MASP1: variants seen among roughly 807,000 people sequenced by gnomAD.
MASP1 encodes the protein MBL associated serine protease 1.
Under a neutral mutation model 77.1 loss-of-function variants are expected in MASP1, and 59 were observed. The observed-to-expected ratio is 0.77, with a 90% confidence interval of 0.62 to 0.95. The LOEUF (loss-of-function observed/expected upper bound fraction) is 0.95, where lower values mean the gene tolerates loss of function less well. MASP1 is among the 40% of genes least tolerant of loss of function. The pLI is 0.00. For synonymous variants in MASP1, 362 were observed against 354.5 expected, an observed-to-expected ratio of 1.02 and a Z score of -0.24; for missense variants, 885 against 912.9, an observed-to-expected ratio of 0.97 and a Z score of 0.39.
chr3:187,224,839 C>T (rs1712315332), intron 13 of MASP1, among the ~76,000 whole-genome samples: 1 of 152,228 alleles, frequency 6.6e-6, no homozygotes. Flanking sequence ...TGGTTTTTCA[C>T]CCCAGTAGTG....
downstream of MASP1, among the ~76,000 whole-genome samples, chr3:187,231,698 A>G (rs1401959000): frequency 6.6e-6 from 1 of 152,276 alleles, no homozygotes; most frequent in Non-Finnish European, 1.5e-5. Flanking sequence ...TGGAGCATCC[A>G]CGGTTTTAAG....
intron 15 of MASP1, chr3:187,220,369 G>A: frequency 1.0e-6 from 1 of 980,652 alleles, no homozygotes; most frequent in Non-Finnish European, 1.5e-6. Context: ...AGAGGGCATA[G>A]CAGACCGTTG....
At position 187,235,061 on chromosome 3, in the gene MASP1, G is replaced by C; in HGVS notation, c.*623C>G. The C allele has an allele frequency of 2.3e-6, 3 of 1,287,268 alleles. No homozygotes were observed. The highest frequency in any genetic ancestry group is 3.0e-6 in the Non-Finnish European group (3 of 988,714). 79.7% of individuals were successfully genotyped at this position (1,287,268 alleles called of 1,614,324 possible). On this transcript the variant is annotated 3_prime_UTR_variant, in exon 11 of 11. Coordinates refer to ENST00000296280, the MANE Select transcript of MASP1 (RefSeq NM_139125.4). ...GAAATTCCTTTAATGGGGAACATAA[G>C]GGATAAGGCTTAGACTGCAAGAAGC...
At chr3:187,283,210 C>T (rs1187197757) in intron 2 of MASP1, among the ~76,000 whole-genome samples, 1 of 152,216 alleles carries the variant, frequency 6.6e-6, no homozygotes, top group Non-Finnish European at 1.5e-5. Context: ...CAACCAATTT[C>T]CAAAATATTC....
downstream of MASP1, chr3:187,229,711 A>G: frequency 6.2e-7 from 1 of 1,608,542 alleles, no homozygotes; most frequent in Non-Finnish European, 8.5e-7. Flanking sequence ...TCAGTCTCCA[A>G]GGAGGGGGTT....
chr3:187,228,733 G>T (rs144610536), intron 11 of MASP1, among the ~76,000 whole-genome samples: 1 of 152,042 alleles, frequency 6.6e-6, no homozygotes, highest in Admixed American at 6.6e-5. Context: ...CCTCAGCCCT[G>T]TCTGGCCCTA....
intron 14 of MASP1, among the ~76,000 whole-genome samples, chr3:187,221,940 C>T (rs1013273026): frequency 6.6e-6 from 1 of 152,154 alleles, no homozygotes; most frequent in Non-Finnish European, 1.5e-5. Context: ...AAAGAGGAAA[C>T]ATATGATTCT....
rs1248464303 is a variant in MASP1, at chr3:187,234,804, C to G, written c.*880G>C. 1.6e-6 allele frequency: 2 copies of G among 1,287,254 alleles called. No individual in the cohort carries two copies. Among genetic ancestry groups the G allele is most frequent in the East Asian group, 1.1e-4 (2 of 18,026 alleles). 79.7% of individuals were successfully genotyped at this position (1,287,254 alleles called of 1,614,324 possible). A position where few individuals can be genotyped will look rare whatever the true frequency, so the allele number is the denominator to read the frequency against. On this transcript the variant is annotated 3_prime_UTR_variant, in exon 11 of 11. Transcript: ENST00000296280. ...ATCGACTAAGTCCCCATATTCGGGC[C>G]TGGGCTTCAGGTAGCCTTTCAGATA...
chr3:187,272,796 C>T (rs958676623), intron 2 of MASP1, among the ~76,000 whole-genome samples: 1 of 152,110 alleles, frequency 6.6e-6, no homozygotes, highest in African/African-American at 2.4e-5. Flanking sequence ...TCCAGAACTG[C>T]GTGAGAACAA....
intron 14 of MASP1, among the ~76,000 whole-genome samples, chr3:187,222,150 T>C (rs1342587794): frequency 2.6e-5 from 4 of 152,182 alleles, no homozygotes; most frequent in African/African-American, 9.7e-5. Context: ...ATCGTTCAGG[T>C]ATCATTTCAG....
chr3:187,279,986 C>T (rs901611100), intron 2 of MASP1, among the ~76,000 whole-genome samples: 1 of 152,066 alleles, frequency 6.6e-6, no homozygotes, highest in Non-Finnish European at 1.5e-5. Flanking sequence ...CTTTGCAGAC[C>T]CAGTCTTTGG....
intron 1 of MASP1, among the ~76,000 whole-genome samples, chr3:187,289,970 C>A (rs940490266): frequency 6.6e-6 from 1 of 152,204 alleles, no homozygotes; most frequent in African/African-American, 2.4e-5. Flanking sequence ...CTGCTGGAGA[C>A]TTTTCTAGCA....
At chr3:187,254,539 A>G (rs1533593) in intron 5 of MASP1, among the ~76,000 whole-genome samples, 30,783 of 152,100 alleles carry the variant, frequency 0.2, 3,824 homozygotes, top group South Asian at 0.33. Flanking sequence ...GACAAACGCC[A>G]CTTTGTGTTG....
chr3:187,225,555 A>G, intron 12 of MASP1: 1 of 1,598,064 alleles, frequency 6.3e-7, no homozygotes, highest in Non-Finnish European at 8.6e-7. Flanking sequence ...ATGGAGGATA[A>G]GGTCACACCT....
At chr3:187,247,396 G>A (rs373102445) in intron 8 of MASP1, 74 of 1,613,962 alleles carry the variant, frequency 4.6e-5, no homozygotes, top group Non-Finnish European at 6.1e-5. Context: ...CTGCCACCAT[G>A]GTGAAGATCA....
chr3:187,291,091 G>A (rs1718288446), intron 1 of MASP1, among the ~76,000 whole-genome samples: 1 of 151,960 alleles, frequency 6.6e-6, no homozygotes, highest in Admixed American at 6.6e-5. Flanking sequence ...AAAATTTATA[G>A]GGAACTGTAA....
intron 2 of MASP1, among the ~76,000 whole-genome samples, chr3:187,283,552 A>T (rs1457058965): frequency 1.3e-5 from 2 of 152,206 alleles, no homozygotes; most frequent in African/African-American, 4.8e-5. Flanking sequence ...AATCTTAAGG[A>T]GGAGAGGGGG....
rs776829960 is a variant in MASP1 at position 187,251,650 on chromosome 3, C to T, written c.995G>A (p.Gly332Asp). The T allele has an allele frequency of 1.9e-6, 3 of 1,614,104 alleles. No homozygotes were observed. In the South Asian group the frequency reaches 3.3e-5, roughly 18 times the overall value. ...GCTCTGCACCTTCAGCACTTTGTAG[C>T]CTGTGTCACAGCTGACGAGCACTTG... ...KDQVLVSCDT[G>D]YKVLKDNVEM... Residue 332 changes from glycine (G) to aspartate (D), a missense_variant, in exon 7 of 11, where the codon GGC becomes GAC. Transcript: ENST00000296280.
rs201766436 is a variant in MASP1, at chr3:187,250,346, A to G, written c.1012-17T>C. 9.0e-4 allele frequency: 1,427 copies of G among 1,593,824 alleles called. 16 individuals are homozygous for G. The South Asian group carries it at 9.7e-3, about 11-fold the overall frequency. ...CACATTATCCTGGGAAGAGACAGGA[A>G]GAAGGGAGTGGGAAGAAGGAGGTGG... On this transcript the variant is annotated splice_polypyrimidine_tract_variant and intron_variant, in intron 7 of 10. Coordinates refer to ENST00000296280, the MANE Select transcript of MASP1 (RefSeq NM_139125.4).
Sources: allele counts gnomAD v4.1 joint callset (sites outside exome capture counted in the v4.1 genomes callset), GRCh38; gene constraint gnomAD v4.1.1; transcripts MANE v1.5; gene names NCBI Gene and HGNC (gene_info 2026-07-23, HGNC 2026-07-21).